CUX2: variants seen among roughly 807,000 people sequenced by gnomAD.
CUX2 encodes cut like homeobox 2.
A neutral mutation model predicts 144.8 loss-of-function variants in CUX2; 40 were observed. That is an observed-to-expected ratio of 0.28 (90% CI 0.21 to 0.36). The LOEUF (loss-of-function observed/expected upper bound fraction) is 0.36. Among genes scored for constraint, CUX2 ranks in the 10% least tolerant of loss-of-function variants. The pLI, the probability that CUX2 is intolerant of heterozygous loss-of-function variation, is 1.00. For missense variants in CUX2, 1,615 were observed against 1,994.0 expected, an observed-to-expected ratio of 0.81 and a Z score of 3.62; for synonymous variants, 827 against 875.6, an observed-to-expected ratio of 0.94 and a Z score of 0.98.
intron 4 of CUX2, among the ~76,000 whole-genome samples, chr12:111,282,961 C>A (rs966006729): frequency 6.6e-6 from 1 of 152,070 alleles, no homozygotes; most frequent in Non-Finnish European, 1.5e-5. Flanking sequence ...GTCTGTAATC[C>A]CAGCACTTTG....
chr12:111,284,939 C>A (rs980657945), intron 4 of CUX2, among the ~76,000 whole-genome samples: 3 of 152,160 alleles, frequency 2.0e-5, no homozygotes, highest in African/African-American at 7.2e-5. Flanking sequence ...CTGCAGGAGT[C>A]CACCCCTCCT....
At chr12:111,104,149 G>A (rs1328358351) in intron 1 of CUX2, among the ~76,000 whole-genome samples, 1 of 152,100 alleles carries the variant, frequency 6.6e-6, no homozygotes, top group Non-Finnish European at 1.5e-5. Flanking sequence ...CTCTCTTGGG[G>A]CACAATCATC....
chr12:111,148,948 G>A (rs1453282485), intron 1 of CUX2, among the ~76,000 whole-genome samples: 1 of 152,126 alleles, frequency 6.6e-6, no homozygotes, highest in Non-Finnish European at 1.5e-5. Context: ...AGTGAGCTAT[G>A]ATTGCACCAC....
intron 3 of CUX2, among the ~76,000 whole-genome samples, chr12:111,247,986 A>G (rs1051917274): frequency 6.6e-6 from 1 of 152,228 alleles, no homozygotes; most frequent in Non-Finnish European, 1.5e-5. Flanking sequence ...GGCTCACTGC[A>G]GCCTCAGACT....
chr12:111,206,306 T>C (rs1880917024), intron 1 of CUX2, among the ~76,000 whole-genome samples: 1 of 152,214 alleles, frequency 6.6e-6, no homozygotes, highest in Admixed American at 6.5e-5. Flanking sequence ...CACGCCAGGC[T>C]GGACTACAAA....
chr12:111,302,281 G>T lies in CUX2; in HGVS notation c.754-1929G>T, dbSNP rs143581534. On this transcript the variant is annotated intron_variant, in intron 9 of 21. Coordinates refer to ENST00000261726, the MANE Select transcript of CUX2 (RefSeq NM_015267.4). ...AGCTCTTTTAATTCTCTAAGTAATGGCTCAAGTAATATACCCTCATGATGT... is the reference window on the plus strand; with the variant it reads ...AGCTCTTTTAATTCTCTAAGTAATGTCTCAAGTAATATACCCTCATGATGT... Among the ~76,000 whole-genome samples the T allele has an allele frequency of 2.8e-3, 430 of 152,182 alleles. 10 individuals are homozygous for T. The highest frequency in any genetic ancestry group is 8.7e-4 in the Non-Finnish European group (59 of 68,022).
intron 1 of CUX2, among the ~76,000 whole-genome samples, chr12:111,176,782 G>T (rs1878881688): frequency 6.6e-6 from 1 of 152,044 alleles, no homozygotes; most frequent in South Asian, 2.1e-4. Flanking sequence ...TGACTTCCTT[G>T]GCCCACACAG....
Position 111,277,448 on chromosome 12 carries a change from C to T in CUX2, c.301+13609C>T, listed in dbSNP as rs1005135050. Among the ~76,000 whole-genome samples the T allele has an allele frequency of 5.9e-5, 9 of 152,070 alleles. No individual in the cohort carries two copies. Among genetic ancestry groups the T allele is most frequent in the African/African-American group, 1.9e-4 (8 of 41,408 alleles). On this transcript the variant is annotated intron_variant, in intron 4 of 21. Transcript: ENST00000261726. This position sits in a 1 kb window ranked among gnomAD's most constrained non-coding sequence, Gnocchi z 5.0. ...ATTTCCTGTGTCTAGTATACTCCCC[C>T]GCGACCCCCCTGCTAGCTGCCTCAT... is the stretch of plus-strand genomic sequence containing the variant.
intron 1 of CUX2, among the ~76,000 whole-genome samples, chr12:111,191,844 G>C (rs1433270071): frequency 2.0e-5 from 3 of 152,140 alleles, no homozygotes; most frequent in African/African-American, 7.2e-5. Context: ...ACCTCCTTCG[G>C]GGCACCTCCC....
chr12:111,040,012 C>A (rs1011557131), intron 1 of CUX2, among the ~76,000 whole-genome samples: 1 of 152,090 alleles, frequency 6.6e-6, no homozygotes, highest in Non-Finnish European at 1.5e-5. Flanking sequence ...ATGGCCCAGG[C>A]GAGGTGGCTC....
chr12:111,164,676 G>A (rs151177242), intron 1 of CUX2, among the ~76,000 whole-genome samples: 13 of 152,200 alleles, frequency 8.5e-5, no homozygotes, highest in Admixed American at 3.9e-4. Context: ...CAAGGTGTTC[G>A]TAGTTAGAAG....
intron 16 of CUX2, among the ~76,000 whole-genome samples, chr12:111,318,212 C>G (rs1347641526): frequency 4.0e-5 from 6 of 150,930 alleles, no homozygotes; most frequent in African/African-American, 1.5e-4. Flanking sequence ...TAGGCATACA[C>G]CACCATGCCT....
intron 20 of CUX2, 81 bp from the exon 21 acceptor site, chr12:111,341,699 C>T (rs1888584505): frequency 1.4e-6 from 2 of 1,475,494 alleles, no homozygotes; most frequent in East Asian, 2.3e-5. Context: ...CAGATGCACT[C>T]CCACCATGGA....
intron 1 of CUX2, among the ~76,000 whole-genome samples, chr12:111,119,738 AAAAT>A (rs1874519360): frequency 3.9e-5 from 6 of 152,244 alleles, no homozygotes; most frequent in Non-Finnish European, 1.5e-5. Flanking sequence ...ATACACTGAA[AAAAT>A]AAATAACGTT....
intron 1 of CUX2, among the ~76,000 whole-genome samples, chr12:111,107,087 A>T (rs926315452): frequency 6.6e-6 from 1 of 152,224 alleles, no homozygotes; most frequent in African/African-American, 2.4e-5. Flanking sequence ...GCGTTAACTT[A>T]TACCATCTCA....
intron 4 of CUX2, among the ~76,000 whole-genome samples, chr12:111,269,451 G>A (rs1027623562): frequency 1.9e-4 from 29 of 152,116 alleles, no homozygotes; most frequent in Admixed American, 1.9e-3. Flanking sequence ...CTGGACACTG[G>A]GAACACAGCT....
At chr12:111,184,920 G>A in intron 1 of CUX2, among the ~76,000 whole-genome samples, 1 of 152,152 alleles carries the variant, frequency 6.6e-6, no homozygotes, top group Middle Eastern at 3.2e-3. Flanking sequence ...AAATTAGCCT[G>A]GCATGGTGGC....
chr12:111,247,240 A>G (rs905033513), intron 3 of CUX2, among the ~76,000 whole-genome samples: 2 of 152,170 alleles, frequency 1.3e-5, no homozygotes, highest in Non-Finnish European at 2.9e-5. Context: ...CCCCGGCTAG[A>G]CTGGGCTGGG....
chr12:111,303,925 TG>T (rs905811449), intron 9 of CUX2, among the ~76,000 whole-genome samples: 1 of 152,196 alleles, frequency 6.6e-6, no homozygotes, highest in Non-Finnish European at 1.5e-5. Context: ...CTGACTCCTC[TG>T]GGGGTCCCAG....
Sources: allele counts gnomAD v4.1 joint callset (sites outside exome capture counted in the v4.1 genomes callset), GRCh38; gene constraint gnomAD v4.1.1; non-coding constraint Gnocchi (gnomAD v3.1); transcripts MANE v1.5; gene names NCBI Gene and HGNC (gene_info 2026-07-23, HGNC 2026-07-21).